ARHGAP32: variants seen among roughly 807,000 people sequenced by gnomAD.
The protein encoded by ARHGAP32 is Rho GTPase activating protein 32.
A neutral mutation model predicts 186.5 loss-of-function variants in ARHGAP32; 51 were observed. The ratio of observed to expected loss-of-function variants is 0.27; its 90% CI spans 0.22 to 0.35. The LOEUF (loss-of-function observed/expected upper bound fraction) is 0.35. Ranked by LOEUF, ARHGAP32 falls within the 10% of genes least tolerant of loss-of-function variation. The pLI, the probability that ARHGAP32 is intolerant of heterozygous loss-of-function variation, is 1.00. For missense variants in ARHGAP32, 2,186 were observed against 2,623.5 expected (o/e 0.83, Z 3.64); for synonymous variants, 950 against 964.3 (o/e 0.99, Z 0.27).
chr11:129,192,265 T>C lies in ARHGAP32; in HGVS notation c.-67A>G. 1 of 1,110,048 alleles carries C rather than the reference T, an allele frequency of 9.0e-7. No individual in the cohort carries two copies. The highest frequency in any genetic ancestry group is 1.4e-6 in the Non-Finnish European group (1 of 732,476). The allele number at this position is 1,110,048 out of a possible 1,614,324, so 68.8% of individuals were successfully genotyped here. A position where few individuals can be genotyped will look rare whatever the true frequency, so the allele number is the denominator to read the frequency against. On this transcript the variant is annotated 5_prime_UTR_variant, in exon 1 of 23. Transcript: ENST00000682385. ...GAATAAAAAGCACCAACATTCAGGT[T>C]GTTCAGCTCTACTCATGTATACTCA...
chr11:129,120,402 G>T (rs1232414839), intron 5 of ARHGAP32, among the ~76,000 whole-genome samples: 2 of 152,058 alleles, frequency 1.3e-5, no homozygotes, highest in Non-Finnish European at 1.5e-5. Context: ...AGGGAAGTCA[G>T]TTGGATATAC....
At chr11:129,114,476 T>C (rs1427246980) in intron 5 of ARHGAP32, among the ~76,000 whole-genome samples, 1 of 152,150 alleles carries the variant, frequency 6.6e-6, no homozygotes, top group East Asian at 1.9e-4. Context: ...TCATCAGTGG[T>C]ACTCACATAG....
intron 12 of ARHGAP32, among the ~76,000 whole-genome samples, chr11:128,997,015 G>A (rs1423268360): frequency 6.6e-6 from 1 of 152,164 alleles, no homozygotes; most frequent in Non-Finnish European, 1.5e-5. Flanking sequence ...CTAGGCGCAA[G>A]CTATCTGCCT....
intron 6 of ARHGAP32, among the ~76,000 whole-genome samples, chr11:129,074,093 C>G (rs935437755): frequency 1.3e-5 from 2 of 151,980 alleles, no homozygotes; most frequent in African/African-American, 4.8e-5. Flanking sequence ...AAAAGAAGTT[C>G]TTTAAAGAAA....
At chr11:129,148,686 A>C (rs1050372738) in intron 2 of ARHGAP32, among the ~76,000 whole-genome samples, 9 of 152,144 alleles carry the variant, frequency 5.9e-5, no homozygotes, top group Non-Finnish European at 1.2e-4. Context: ...ACAGACAGGG[A>C]GGGGCAAGGT....
chr11:129,072,440 T>C (rs2135181590), intron 6 of ARHGAP32, among the ~76,000 whole-genome samples: 1 of 152,260 alleles, frequency 6.6e-6, no homozygotes, highest in South Asian at 2.1e-4. Flanking sequence ...GTCTGCTATG[T>C]AAGGAGCTCA....
At chr11:129,215,550 C>G (rs1944634838) in intron 1 of ARHGAP32, among the ~76,000 whole-genome samples, 1 of 152,156 alleles carries the variant, frequency 6.6e-6, no homozygotes, top group Admixed American at 6.6e-5. Flanking sequence ...AGGGGAGAAT[C>G]TATTTCCTTG....
chr11:129,257,619 T>C lies in ARHGAP32; in HGVS notation c.-5+21527A>G, dbSNP rs76924784. ...CAAAACTTTGTTGCTTAAAAATAAA[T>C]AATTCATTAATTTTTAAAATTACAG... On this transcript the variant is annotated intron_variant, in intron 1 of 6. Coordinates refer to the ARHGAP32 transcript ENST00000525234. 4.5e-3 allele frequency among the ~76,000 whole-genome samples: 675 copies of C among 150,706 alleles called. 11 individuals are homozygous for C. Among genetic ancestry groups the C allele is most frequent in the African/African-American group, 0.015 (622 of 41,020 alleles).
At chr11:129,058,549 A>G (rs746961894) in intron 10 of ARHGAP32, among the ~76,000 whole-genome samples, 12 of 152,208 alleles carry the variant, frequency 7.9e-5, no homozygotes, top group Non-Finnish European at 1.8e-4. Context: ...CTAGTAAGCT[A>G]AACTCATGGT....
intron 1 of ARHGAP32, among the ~76,000 whole-genome samples, chr11:129,269,513 AC>A (rs1167989884): frequency 2.0e-5 from 3 of 151,862 alleles, no homozygotes; most frequent in Non-Finnish European, 4.4e-5. Context: ...GATCCTTTGA[AC>A]CCAAGAGTTT....
chr11:128,972,711 G>A lies in ARHGAP32; in HGVS notation c.3795C>T (p.Ser1265=). ...TGGCTGTGCTGGTATTCTCTTCGGG[G>A]GACCCAGAAGGAGGGTAGATTTTAT... ...PSDKIYPPSG[S]PEENTSTATM... is the part of the protein sequence containing the mutation. The change falls in exon 22 of 23, where the codon TCC becomes TCT. Residue 1265 remains serine, a synonymous_variant. Coordinates refer to ENST00000682385, the MANE Select transcript of ARHGAP32 (RefSeq NM_001378024.1). 6.2e-7 allele frequency: 1 copy of A among 1,614,036 alleles called. No homozygotes were observed. Among genetic ancestry groups the A allele is most frequent in the South Asian group, 1.1e-5 (1 of 91,072 alleles).
intron 6 of ARHGAP32, among the ~76,000 whole-genome samples, chr11:129,070,316 C>T (rs1284183307): frequency 6.6e-6 from 1 of 152,016 alleles, no homozygotes; most frequent in Non-Finnish European, 1.5e-5. Flanking sequence ...GTATTTTTCT[C>T]ACTGTTAAAG....
At chr11:129,085,030 T>TA (rs1316102078) in intron 6 of ARHGAP32, among the ~76,000 whole-genome samples, 1 of 148,014 alleles carries the variant, frequency 6.8e-6, no homozygotes, top group Non-Finnish European at 1.5e-5. Flanking sequence ...GTTTTATTAT[T>TA]TTTTTTTTTT....
rs1452421348 is a variant in ARHGAP32 at position 128,988,034 on chromosome 11, G to A, written c.1287C>T (p.Ile429=). The change falls in exon 13 of 23, where the codon ATC becomes ATT. Residue 429 remains isoleucine, a synonymous_variant. Transcript: ENST00000682385. The stretch of plus-strand genomic sequence containing the variant: ...ATATAAGATTTTACCGTAGTCTCTG[G>A]ATATTGGAGGCAACACCAGAAAGGC... ...IYRLSGVASN[I]QRLRHEFDSE... is the part of the protein sequence containing the mutation. 2 of 1,611,786 alleles carry A rather than the reference G, an allele frequency of 1.2e-6. No individual in the cohort carries two copies. Among genetic ancestry groups the A allele is most frequent in the Admixed American group, 1.7e-5 (1 of 59,974 alleles).
At chr11:129,276,755 C>T (rs182485004) in intron 1 of ARHGAP32, among the ~76,000 whole-genome samples, 1 of 149,140 alleles carries the variant, frequency 6.7e-6, no homozygotes, top group African/African-American at 2.6e-5. Flanking sequence ...TTTTCATATC[C>T]TTTCTATCAT....
At chr11:129,239,440 T>C (rs1162405624) in intron 1 of ARHGAP32, among the ~76,000 whole-genome samples, 2 of 152,170 alleles carry the variant, frequency 1.3e-5, no homozygotes, top group East Asian at 1.9e-4. Context: ...TTACCCAGAA[T>C]GACAGAGCCA....
intron 1 of ARHGAP32, among the ~76,000 whole-genome samples, chr11:129,201,459 T>TCC (rs1468249373): frequency 6.6e-6 from 1 of 152,062 alleles, no homozygotes; most frequent in African/African-American, 2.4e-5. Context: ...CCTAACTAGA[T>TCC]CCCCTCCAGA....
At chr11:128,991,256 T>C (rs1012547262) in intron 12 of ARHGAP32, among the ~76,000 whole-genome samples, 6 of 152,174 alleles carry the variant, frequency 3.9e-5, no homozygotes, top group African/African-American at 1.4e-4. Context: ...TTTTCTTATA[T>C]TTTGTGTTCC....
chr11:129,134,465 A>ATGCCTAG (rs1942892612), intron 2 of ARHGAP32, among the ~76,000 whole-genome samples: 1 of 152,190 alleles, frequency 6.6e-6, no homozygotes, highest in East Asian at 1.9e-4. Flanking sequence ...GAATTAATCA[A>ATGCCTAG]AGAATGTATC....
Sources: gnomAD v4.1 joint callset for allele counts (sites outside exome capture counted in the v4.1 genomes callset) on GRCh38, gnomAD v4.1.1 for gene constraint, MANE v1.5 for transcripts, NCBI Gene and HGNC (gene_info 2026-07-23, HGNC 2026-07-21) for gene names.